OPLAH: variants seen among roughly 807,000 people sequenced by gnomAD.
The protein encoded by OPLAH is 5-oxoprolinase, ATP-hydrolysing.
In OPLAH, 103 loss-of-function variants were observed where a neutral mutation model predicts 122.8. The observed-to-expected ratio is 0.84, with a 90% confidence interval of 0.71 to 0.99. The LOEUF is 0.99. OPLAH is among the 50% of genes least tolerant of loss of function. OPLAH has a pLI of 0.00. For missense variants in OPLAH, 1,902 were observed against 1,836.5 expected, an observed-to-expected ratio of 1.04 and a Z score of -0.65; for synonymous variants, 875 against 796.0, an observed-to-expected ratio of 1.10 and a Z score of -1.67.
Position 144,052,191 on chromosome 8 carries a change from C to T in OPLAH, c.3439G>A (p.Asp1147Asn), listed in dbSNP as rs782812599. ...CACCGGCTCTCCAGGATCTCAGGGT[C>T]GGTGATGCGTGTGTTGGTCATGTGG... ...HSHMTNTRIT[D>N]PEILESRYPV... The change falls in exon 24 of 27, where the codon GAC becomes AAC. Residue 1147 changes from aspartate to asparagine, a missense_variant. Coordinates refer to ENST00000618853, the MANE Select transcript of OPLAH (RefSeq NM_017570.5). The T allele has an allele frequency of 6.3e-7, 1 of 1,579,296 alleles. No homozygotes were observed. The highest frequency in any genetic ancestry group is 8.6e-7 in the Non-Finnish European group (1 of 1,165,922).
upstream of OPLAH, chr8:144,063,745 A>G (rs7017102): frequency 0.21 from 31,846 of 152,428 alleles, 6,738 homozygotes; most frequent in African/African-American, 0.55. This position sits in a 1 kb window ranked among gnomAD's most constrained non-coding sequence, Gnocchi z 4.2. Context: ...CTGGGTAGCC[A>G]GGGACTGGCA....
rs782653195 is a variant in OPLAH, at chr8:144,052,236, C to T, written c.3394G>A (p.Gly1132Arg). ...GGAGAGPSWH[G>R]RSGVHSHMTN... ...ATGTGGCTGTGCACACCGCTGCGCC[C>T]GTGCCAGCTGGGACCCGCGCCCGCG... is the stretch of plus-strand genomic sequence containing the variant. The change falls in exon 24 of 27, where the codon GGG becomes AGG. Residue 1132 changes from glycine to arginine, a missense_variant. By Grantham distance (125) the Gly-to-Arg change is moderately radical (BLOSUM62 -2). Around this residue, in one of 3 missense-constraint regions of OPLAH, gnomAD observed 1,726 missense variants for 1,642.1 expected, o/e 1.05. Coordinates refer to ENST00000618853, the MANE Select transcript of OPLAH (RefSeq NM_017570.5). 5 of 1,561,254 alleles carry T rather than the reference C, an allele frequency of 3.2e-6. No individual in the cohort carries two copies. Among genetic ancestry groups the T allele is most frequent in the Admixed American group, 1.9e-5 (1 of 53,136 alleles).
rs782757072 is a variant in OPLAH, at chr8:144,059,896, G to A, written c.137C>T (p.Ala46Val). The stretch of plus-strand genomic sequence containing the variant: ...GATGCGGCGGATGCCTTCGGTTGGC[G>A]CGTCCGCATAGTTGGCAGGGTCCTC... ...LSEDPANYAD[A>V]PTEGIRRILE... The change falls in exon 2 of 27, where the codon GCG becomes GTG. Residue 46 changes from alanine (A) to valine (V), a missense_variant. Physicochemically the swap from Ala to Val is moderately conservative, Grantham distance 64. Transcript: ENST00000618853. 12 of 1,612,774 alleles carry A rather than the reference G, an allele frequency of 7.4e-6. No individual in the cohort carries two copies. The highest frequency in any genetic ancestry group is 2.2e-5 in the South Asian group (2 of 91,086).
chr8:144,054,969 G>GC (rs1835473894), intron 17 of OPLAH, 56 bp from the exon 18 acceptor site: 2 of 1,179,704 alleles, frequency 1.7e-6, no homozygotes, highest in African/African-American at 3.5e-5. Flanking sequence ...CCAGAGCGGG[G>GC]TGGGGGGGGG....
downstream of OPLAH, chr8:144,051,141 G>T: frequency 7.0e-7 from 1 of 1,419,734 alleles, no homozygotes; most frequent in Non-Finnish European, 9.2e-7. Flanking sequence ...GTTCAGTACC[G>T]CCCTGGAGGG....
intron 3 of OPLAH, 63 bp downstream of exon 3, chr8:144,059,536 G>C (rs782171434): frequency 6.6e-7 from 1 of 1,507,920 alleles, no homozygotes; most frequent in Non-Finnish European, 9.0e-7. Flanking sequence ...CTCCCCACAG[G>C]GTCAAGGCAT....
At chr8:144,058,942 T>C in intron 4 of OPLAH, 38 bp downstream of exon 4, 2 of 1,556,082 alleles carry the variant, frequency 1.3e-6, no homozygotes, top group Middle Eastern at 1.7e-4. Context: ...AGCAGGACCC[T>C]CCGGCCCCAA....
At chr8:144,051,681 C>CGGGAGGGGAG (rs781877214) in intron 26 of OPLAH, 48 bp downstream of exon 26, 2 of 1,058,190 alleles carry the variant, frequency 1.9e-6, no homozygotes, top group Middle Eastern at 2.5e-4. Flanking sequence ...GGGATGGGGC[C>CGGGAGGGGAG]GGGAGGGGAG....
In OPLAH at chr8:144,051,351, T is replaced by A. The variant is rs1356985579; in HGVS notation, c.3842A>T (p.Tyr1281Phe). 6.2e-7 allele frequency: 1 copy of A among 1,611,414 alleles called. No homozygotes were observed. Residue 1281 changes from tyrosine to phenylalanine, a missense_variant, in exon 27 of 27, where the codon TAT (tyrosine) becomes TTT (phenylalanine). This residue lies in a region of OPLAH where 1,726 missense variants were observed against 1,642.1 expected (regional missense o/e 1.05). Coordinates refer to ENST00000618853, the MANE Select transcript of OPLAH (RefSeq NM_017570.5). Reference protein sequence around the residue: ...AFPEHGSVYEYRRAQEAV With the variant: ...AFPEHGSVYEFRRAQEAV ...TCACACGGCCTCCTGGGCCCGGCGA[T>A]ACTCATAGACGCTGCCGTGCTCGGG...
chr8:144,058,521 C>A lies in OPLAH; in HGVS notation c.758G>T (p.Cys253Phe). 6.3e-7 allele frequency: 1 copy of A among 1,588,558 alleles called. No individual in the cohort carries two copies. The highest frequency in any genetic ancestry group is 1.1e-5 in the South Asian group (1 of 89,668). ...PAIQRYVQGF[C>F]RGFQGQLKDV... ...CTTGAGTTGGCCCTGGAAGCCACGGCAGAAGCCCTGCACGTAGCGCTGGAT... is the reference window on the plus strand; with the variant it reads ...CTTGAGTTGGCCCTGGAAGCCACGGAAGAAGCCCTGCACGTAGCGCTGGAT... Residue 253 changes from cysteine (C) to phenylalanine (F), a missense_variant, in exon 6 of 27, where the codon TGC becomes TTC. By Grantham distance (205) the Cys-to-Phe change is radical. Coordinates refer to ENST00000618853, the MANE Select transcript of OPLAH (RefSeq NM_017570.5).
Position 144,052,228 on chromosome 8 carries a change from G to T in OPLAH, c.3402C>A (p.Ser1134Arg). ...AGAGPSWHGR[S>R]GVHSHMTNTR... is the part of the protein sequence containing the mutation. Reference sequence around the variant, plus strand: ...TGTTGGTCATGTGGCTGTGCACACCGCTGCGCCCGTGCCAGCTGGGACCCG... The same window carrying T: ...TGTTGGTCATGTGGCTGTGCACACCTCTGCGCCCGTGCCAGCTGGGACCCG... The change falls in exon 24 of 27, where the codon AGC becomes AGA. Residue 1134 changes from serine (S) to arginine (R), a missense_variant. Transcript: ENST00000618853. 2 of 1,568,384 alleles carry T rather than the reference G, an allele frequency of 1.3e-6. No individual in the cohort carries two copies.
Position 144,051,337 on chromosome 8 carries a change from C to T in OPLAH, c.3856G>A (p.Glu1286Lys). ...GSVYEYRRAQ[E>K]AV ...TTATTGCGGGATCCTCACACGGCCTCCTGGGCCCGGCGATACTCATAGACG... is the reference window on the plus strand; with the variant it reads ...TTATTGCGGGATCCTCACACGGCCTTCTGGGCCCGGCGATACTCATAGACG... Residue 1286 changes from glutamate (E) to lysine (K), a missense_variant, in exon 27 of 27, where the codon GAG (glutamate) becomes AAG (lysine). Glu to Lys is a moderately conservative substitution (Grantham distance 56). Transcript: ENST00000618853. 1 of 1,611,750 alleles carries T rather than the reference C, an allele frequency of 6.2e-7. No individual in the cohort carries two copies. Among genetic ancestry groups the T allele is most frequent in the East Asian group, 2.2e-5 (1 of 44,738 alleles).
Position 144,058,626 on chromosome 8 carries a change from A to T in OPLAH, c.653T>A (p.Leu218Gln). 1 of 1,603,178 alleles carries T rather than the reference A, an allele frequency of 6.2e-7. No individual in the cohort carries two copies. Reference protein sequence around the residue: ...ARELGFTHVSLSSEAMPMVRI... With the variant: ...ARELGFTHVSQSSEAMPMVRI... Reference sequence around the variant, plus strand: ...CACCATGGGCATGGCCTCCGAGGACAGTGACACGTGCGTGAAGCCCAGCTC... The same window carrying T: ...CACCATGGGCATGGCCTCCGAGGACTGTGACACGTGCGTGAAGCCCAGCTC... The change falls in exon 6 of 27, where the codon CTG becomes CAG. Residue 218 changes from leucine (L) to glutamine (Q), a missense_variant. Physicochemically the swap from Leu to Gln is moderately radical, Grantham distance 113. Coordinates refer to ENST00000618853, the MANE Select transcript of OPLAH (RefSeq NM_017570.5).
At position 144,055,766 on chromosome 8, in the gene OPLAH, G is replaced by A; in HGVS notation, c.2248+22C>T. 1 of 1,488,250 alleles carries A rather than the reference G, an allele frequency of 6.7e-7. No homozygotes were observed. Among genetic ancestry groups the A allele is most frequent in the Non-Finnish European group, 9.0e-7 (1 of 1,111,510 alleles). The allele number at this position is 1,488,250 out of a possible 1,614,324, so 92.2% of individuals were successfully genotyped here. On this transcript the variant is annotated intron_variant, in intron 16 of 26. Transcript: ENST00000618853. This position sits in a 1 kb window ranked among gnomAD's most constrained non-coding sequence, Gnocchi z 6.5. Reference sequence around the variant, plus strand: ...CACAGCCGGCGCCTCATCCCACAGGGAGCCTGGCAGCGGCCACTCACCAGC... The same window carrying A: ...CACAGCCGGCGCCTCATCCCACAGGAAGCCTGGCAGCGGCCACTCACCAGC...
chr8:144,050,406 C>T (rs2129723007), downstream of OPLAH: 2 of 985,182 alleles, frequency 2.0e-6, no homozygotes, highest in Admixed American at 6.2e-5. Flanking sequence ...GTGGAGAGGT[C>T]GTGGCTTTCA....
upstream of OPLAH, among the ~76,000 whole-genome samples, chr8:144,061,688 A>G (rs1835666260): frequency 1.3e-5 from 2 of 152,144 alleles, no homozygotes; most frequent in South Asian, 4.1e-4. Context: ...AGGCATTAAT[A>G]ATCCACCCCT....
rs375535368 is a variant in OPLAH at position 144,051,772 on chromosome 8, G to A, written c.3677C>T (p.Thr1226Met). The change falls in exon 26 of 27, where the codon ACG becomes ATG. Residue 1226 changes from threonine (T) to methionine (M), a missense_variant. Transcript: ENST00000618853. Reference sequence around the variant, plus strand: ...CGACGTCTTGCCGCCCAGATTCACCGTCCGGCCGTTTTTGCGGATCAGCAG... The same window carrying A: ...CGACGTCTTGCCGCCCAGATTCACCATCCGGCCGTTTTTGCGGATCAGCAG... ...LNLLIRKNGR[T>M]VNLGGKTSVT... 36 of 1,607,416 alleles carry A rather than the reference G, an allele frequency of 2.2e-5. No individual in the cohort carries two copies. The African/African-American group carries it at 3.9e-4, about 17-fold the overall frequency.
At position 144,053,377 on chromosome 8, in the gene OPLAH, C is replaced by T. The variant is rs782422314; in HGVS notation, c.2703G>A (p.Leu901=). The T allele has an allele frequency of 2.5e-6, 4 of 1,611,022 alleles. No homozygotes were observed. Among genetic ancestry groups the T allele is most frequent in the African/African-American group, 2.7e-5 (2 of 74,888 alleles). ...AGTTGGGGACCTTGCCTGGCGCCCG[C>T]AGGGCCTCCGTCACCGCTGGATGGA... ...VFQEEAVTEA[L]RAPGKVPNCS... The change falls in exon 20 of 27, where the codon CTG becomes CTA. Residue 901 remains leucine (L), a synonymous_variant. Coordinates refer to ENST00000618853, the MANE Select transcript of OPLAH (RefSeq NM_017570.5).
chr8:144,062,421 A>T (rs989877481), upstream of OPLAH, among the ~76,000 whole-genome samples: 4 of 152,046 alleles, frequency 2.6e-5, no homozygotes, highest in Non-Finnish European at 4.4e-5. Context: ...GCCCCAGATG[A>T]TCATGCCACG....
Sources: gnomAD v4.1 joint callset for allele counts (sites outside exome capture counted in the v4.1 genomes callset) on GRCh38, gnomAD v4.1.1 for gene constraint, gnomAD v4.1.1 regional missense constraint, Gnocchi (gnomAD v3.1) non-coding constraint, MANE v1.5 for transcripts, NCBI Gene and HGNC (gene_info 2026-07-23, HGNC 2026-07-21) for gene names.